The following SV2C variants were observed in gnomAD, a reference collection of about 807,000 sequenced individuals.
SV2C encodes synaptic vesicle glycoprotein 2C.
In SV2C, 49 loss-of-function variants were observed where a neutral mutation model predicts 79.7. The ratio of observed to expected loss-of-function variants is 0.61; its 90% CI spans 0.49 to 0.78. SV2C has a LOEUF of 0.78. Among genes scored for constraint, SV2C ranks in the 30% least tolerant of loss-of-function variants. SV2C has a pLI of 0.00. For missense variants in SV2C, 833 were observed against 912.9 expected (o/e 0.91, Z 1.13); for synonymous variants, 334 against 333.2 (o/e 1.00, Z -0.03).
chr5:75,882,289 T>C, the SV2C span, among the ~76,000 whole-genome samples: 4 of 151,484 alleles, frequency 2.6e-5, no homozygotes, highest in Non-Finnish European at 5.9e-5. Context: ...TGCTCATGGG[T>C]AGGAAGAATC....
chr5:76,218,595 A>C (rs1385104884), intron 4 of SV2C, among the ~76,000 whole-genome samples: 1 of 152,092 alleles, frequency 6.6e-6, no homozygotes, highest in South Asian at 2.1e-4. Context: ...TCATACACCA[A>C]GGCCTGTTGG....
chr5:76,137,867 C>G (rs1749120819), intron 2 of SV2C, among the ~76,000 whole-genome samples: 1 of 152,126 alleles, frequency 6.6e-6, no homozygotes, highest in African/African-American at 2.4e-5. Context: ...CCCCTTCTGG[C>G]ATCCCTTTCC....
chr5:76,033,715 T>G, the SV2C span, among the ~76,000 whole-genome samples: 1 of 152,238 alleles, frequency 6.6e-6, no homozygotes, highest in Non-Finnish European at 1.5e-5. Context: ...GGCTCAGGAT[T>G]GACTTGGCAA....
chr5:76,147,542 C>T (rs1448369877), intron 2 of SV2C, among the ~76,000 whole-genome samples: 1 of 152,164 alleles, frequency 6.6e-6, no homozygotes, highest in Non-Finnish European at 1.5e-5. Flanking sequence ...AACGGCCTCT[C>T]CTCTGTCTGG....
At chr5:75,922,832 G>C in the SV2C span, among the ~76,000 whole-genome samples, 1 of 152,198 alleles carries the variant, frequency 6.6e-6, no homozygotes, top group Non-Finnish European at 1.5e-5. Flanking sequence ...CCACCAAAGA[G>C]AGCCACCTGG....
At chr5:75,957,741 A>T in the SV2C span, among the ~76,000 whole-genome samples, 11 of 152,170 alleles carry the variant, frequency 7.2e-5, no homozygotes, top group Admixed American at 7.2e-4. Context: ...TAGGAAATAC[A>T]TCCTACAAAT....
intron 1 of SV2C, among the ~76,000 whole-genome samples, chr5:76,093,808 T>TG (rs1747458124): frequency 1.0e-5 from 1 of 95,324 alleles, no homozygotes; most frequent in Non-Finnish European, 1.9e-5. Context: ...CTTATCAAAT[T>TG]ATTTTCCCCC....
At chr5:76,083,639 T>G (rs1472483879) in intron 1 of SV2C, 127 bp downstream of exon 1, 1 of 152,278 alleles carries the variant, frequency 6.6e-6, no homozygotes, top group African/African-American at 2.4e-5. Context: ...AGCGCAACTT[T>G]GCCCCGCCTG....
the SV2C span, among the ~76,000 whole-genome samples, chr5:76,025,628 C>A: frequency 1.3e-5 from 2 of 152,178 alleles, no homozygotes; most frequent in East Asian, 3.9e-4. Context: ...AGATATTGAG[C>A]CCCTTGATTT....
chr5:75,881,846 T>C, the SV2C span, among the ~76,000 whole-genome samples: 1 of 147,590 alleles, frequency 6.8e-6, no homozygotes. Flanking sequence ...TGAATAGGAG[T>C]GGTGAGAGAG....
At chr5:76,101,881 G>C (rs1205832030) in intron 1 of SV2C, among the ~76,000 whole-genome samples, 1 of 152,168 alleles carries the variant, frequency 6.6e-6, no homozygotes, top group East Asian at 1.9e-4. Flanking sequence ...TTGAGACAGA[G>C]TAGAAGGGGA....
chr5:75,925,616 T>A, the SV2C span, among the ~76,000 whole-genome samples: 7 of 152,112 alleles, frequency 4.6e-5, no homozygotes, highest in Non-Finnish European at 1.0e-4. Context: ...GTGCTCAAAC[T>A]CTGCTTGTAT....
chr5:76,133,472 A>T (rs999002648), intron 2 of SV2C, among the ~76,000 whole-genome samples: 3 of 152,252 alleles, frequency 2.0e-5, no homozygotes, highest in African/African-American at 7.2e-5. Flanking sequence ...GTTCTGTGAC[A>T]ACACAAGAGA....
the SV2C span, among the ~76,000 whole-genome samples, chr5:75,952,640 C>G: frequency 6.6e-6 from 1 of 151,812 alleles, no homozygotes; most frequent in Non-Finnish European, 1.5e-5. Flanking sequence ...TCCTCCTTCT[C>G]TCTCTTCCTC....
intron 12 of SV2C, among the ~76,000 whole-genome samples, chr5:76,302,246 A>G (rs1163057855): frequency 6.6e-6 from 1 of 152,214 alleles, no homozygotes; most frequent in South Asian, 2.1e-4. Flanking sequence ...TGAGCTCTGC[A>G]TTAAGCAACC....
intron 12 of SV2C, among the ~76,000 whole-genome samples, chr5:76,305,193 A>G (rs973795586): frequency 3.3e-5 from 5 of 152,062 alleles, no homozygotes; most frequent in African/African-American, 1.2e-4. Flanking sequence ...TAATTCAATC[A>G]TCTCCCACCA....
At chr5:75,929,375 A>C in the SV2C span, among the ~76,000 whole-genome samples, 2 of 151,978 alleles carry the variant, frequency 1.3e-5, no homozygotes, top group Non-Finnish European at 2.9e-5. Flanking sequence ...AGATGAGCCC[A>C]GGGAGTGTTT....
chr5:76,191,066 G>A (rs12523312), intron 2 of SV2C, among the ~76,000 whole-genome samples: 2 of 143,746 alleles, frequency 1.4e-5, no homozygotes, highest in African/African-American at 5.2e-5. Flanking sequence ...TCACAGTTCT[G>A]CAGGCTGTAC....
At chr5:76,339,836 T>G (rs1370540963) in intron 12 of SV2C, among the ~76,000 whole-genome samples, 1 of 152,218 alleles carries the variant, frequency 6.6e-6, no homozygotes, top group Admixed American at 6.5e-5. Flanking sequence ...TCAGAGGCGT[T>G]TAAACCAGAG....
Sources: allele counts gnomAD v4.1 joint callset (sites outside exome capture counted in the v4.1 genomes callset), GRCh38; gene constraint gnomAD v4.1.1; transcripts MANE v1.5; gene names NCBI Gene and HGNC (gene_info 2026-07-23, HGNC 2026-07-21).